The following GTF2A1L variants were observed in gnomAD, a reference collection of about 807,000 sequenced individuals.
GTF2A1L encodes general transcription factor IIA subunit 1 like.
A neutral mutation model predicts 49.7 loss-of-function variants in GTF2A1L; 48 were observed. The ratio of observed to expected loss-of-function variants is 0.97; its 90% CI spans 0.77 to 1.23. The LOEUF is 1.23. Among genes scored for constraint, GTF2A1L ranks in the 50% most tolerant of loss-of-function variants. The probability of loss-of-function intolerance (pLI) is 0.00; values close to 1 mark genes in which losing one functional copy is unlikely to be tolerated. For synonymous variants in GTF2A1L, 246 were observed against 193.5 expected (o/e 1.27, Z -2.25); for missense variants, 736 against 564.8 (o/e 1.30, Z -3.07).
At chr2:48,655,791 C>T (rs1358743954) in intron 6 of GTF2A1L, among the ~76,000 whole-genome samples, 3 of 152,054 alleles carry the variant, frequency 2.0e-5, no homozygotes, top group African/African-American at 7.2e-5. Context: ...CACCACCACC[C>T]ATCTCTAGAA....
intron 8 of GTF2A1L, among the ~76,000 whole-genome samples, chr2:48,678,997 A>T (rs543490585): frequency 6.6e-6 from 1 of 151,992 alleles, no homozygotes; most frequent in South Asian, 2.1e-4. Flanking sequence ...TACATAATTT[A>T]CTTATGTATT....
rs1323492181 is a variant in GTF2A1L at position 48,620,855 on chromosome 2, A to C, written c.26A>C (p.Lys9Thr). 2.0e-6 allele frequency: 3 copies of C among 1,498,852 alleles called. No individual in the cohort carries two copies. The highest frequency in any genetic ancestry group is 3.1e-5 in the South Asian group (2 of 65,398). The allele number at this position is 1,498,852 out of a possible 1,614,324, so 92.8% of individuals were successfully genotyped here. Reference sequence around the variant, plus strand: ...TTAACAATTGCTTTTATGTAGCCTAAACTCTACAGATCTGTAATTGAAGAT... The same window carrying C: ...TTAACAATTGCTTTTATGTAGCCTACACTCTACAGATCTGTAATTGAAGAT... MACLNPVP[K>T]LYRSVIEDVI... The change falls in exon 2 of 9, where the codon AAA (lysine) becomes ACA (threonine). Residue 9 changes from lysine (K) to threonine (T), a missense_variant. Transcript: ENST00000403751.
intron 7 of GTF2A1L, 51 bp downstream of exon 7, chr2:48,670,033 T>C: frequency 6.5e-7 from 1 of 1,550,288 alleles, no homozygotes; most frequent in Non-Finnish European, 8.7e-7. Context: ...ATAACATTTC[T>C]ACTTTATTAT....
At position 48,646,785 on chromosome 2, in the gene GTF2A1L, T is replaced by C. The variant is rs1677536686; in HGVS notation, c.721T>C (p.Tyr241His). ...GTTGTGTCATCAGGAAAGTTCTCACTATATCAGTCTTCCAGGTGTTGTATT... is the reference window on the plus strand; with the variant it reads ...GTTGTGTCATCAGGAAAGTTCTCACCATATCAGTCTTCCAGGTGTTGTATT... ...ALLCHQESSH[Y>H]ISLPGVVFSP... The change falls in exon 6 of 9, where the codon TAT becomes CAT. Residue 241 changes from tyrosine (Y) to histidine (H), a missense_variant. Transcript: ENST00000403751. 1.9e-6 allele frequency: 3 copies of C among 1,614,214 alleles called. No homozygotes were observed. The Admixed American group carries it at 5.0e-5, about 27-fold the overall frequency.
chr2:48,673,489 A>G lies in GTF2A1L; in HGVS notation c.1329+1809A>G, dbSNP rs1297917539. On this transcript the variant is annotated intron_variant, in intron 8 of 8. Coordinates refer to ENST00000403751, the MANE Select transcript of GTF2A1L (RefSeq NM_006872.5). ...AGGATCTTCCTGCCTCAGCCTCCCA[A>G]GTAGCTGGGACTACAGGCGCCTGCC... Among the ~76,000 whole-genome samples, 3 of 151,398 alleles carry G rather than the reference A, an allele frequency of 2.0e-5. No individual in the cohort carries two copies. In the East Asian group the frequency reaches 5.9e-4, roughly 30 times the overall value.
intron 6 of GTF2A1L, among the ~76,000 whole-genome samples, chr2:48,648,018 A>G (rs868668856): frequency 1.3e-5 from 2 of 152,210 alleles, no homozygotes; most frequent in South Asian, 4.1e-4. Context: ...CAACCTTAAT[A>G]TTTTATCTTC....
intron 6 of GTF2A1L, among the ~76,000 whole-genome samples, chr2:48,661,788 C>A (rs532706120): frequency 4.1e-4 from 63 of 152,188 alleles, no homozygotes; most frequent in African/African-American, 1.5e-3. Context: ...CCAACCTATT[C>A]ATATCCTGGA....
Position 48,621,224 on chromosome 2 carries a change from A to T in GTF2A1L, c.181A>T (p.Ile61Phe), listed in dbSNP as rs1675980191. 6.2e-7 allele frequency: 1 copy of T among 1,614,138 alleles called. No individual in the cohort carries two copies. The highest frequency in any genetic ancestry group is 8.5e-7 in the Non-Finnish European group (1 of 1,180,006). Residue 61 changes from isoleucine (I) to phenylalanine (F), a missense_variant, in exon 3 of 9, where the codon ATC becomes TTC. Transcript: ENST00000403751. ...KATEDFFRNS[I>F]QSPLFTLQLP... The stretch of plus-strand genomic sequence containing the variant: ...AACAGAAGACTTCTTCAGAAATAGC[A>T]TCCAATCACCTCTGTTTACTCTTCA...
intron 6 of GTF2A1L, among the ~76,000 whole-genome samples, chr2:48,647,796 T>G (rs1237152392): frequency 6.6e-6 from 1 of 152,128 alleles, no homozygotes; most frequent in Non-Finnish European, 1.5e-5. Flanking sequence ...TTCAAGGAAT[T>G]CATAGTAATG....
At chr2:48,634,219 C>T (rs1022088740) in intron 3 of GTF2A1L, among the ~76,000 whole-genome samples, 1 of 152,182 alleles carries the variant, frequency 6.6e-6, no homozygotes, top group Non-Finnish European at 1.5e-5. Context: ...TCAAGAGGTT[C>T]TCCTGCCTCA....
chr2:48,645,943 T>C (rs1023872065), intron 5 of GTF2A1L, among the ~76,000 whole-genome samples: 2 of 147,298 alleles, frequency 1.4e-5, no homozygotes, highest in Non-Finnish European at 3.0e-5. Flanking sequence ...CCACCGCGCC[T>C]GGCCTTTTTT....
chr2:48,636,885 T>C (rs1221451657), intron 3 of GTF2A1L, among the ~76,000 whole-genome samples: 2 of 152,166 alleles, frequency 1.3e-5, no homozygotes, highest in African/African-American at 2.4e-5. Context: ...AGTCAGCTTC[T>C]GTATTTGGTC....
At chr2:48,650,565 T>C (rs1218387878) in intron 6 of GTF2A1L, among the ~76,000 whole-genome samples, 2 of 152,206 alleles carry the variant, frequency 1.3e-5, no homozygotes, top group African/African-American at 4.8e-5. Flanking sequence ...CTATCAATAA[T>C]TGACTTTAGA....
At chr2:48,641,721 C>A (rs1174691113) in intron 3 of GTF2A1L, among the ~76,000 whole-genome samples, 1 of 151,998 alleles carries the variant, frequency 6.6e-6, no homozygotes, top group Non-Finnish European at 1.5e-5. Context: ...ACTAGCTGGT[C>A]AATCTTTGAG....
chr2:48,646,528 T>C lies in GTF2A1L; in HGVS notation c.464T>C (p.Ile155Thr), dbSNP rs1028749355. The change falls in exon 6 of 9, where the codon ATT becomes ACT. Residue 155 changes from isoleucine to threonine, a missense_variant. Ile to Thr is a moderately conservative substitution (Grantham distance 89). Coordinates refer to ENST00000403751, the MANE Select transcript of GTF2A1L (RefSeq NM_006872.5). Reference protein sequence around the residue: ...SGRAGILQHPIQQVFQQLGQP... With the variant: ...SGRAGILQHPTQQVFQQLGQP... ...AGAGCAGGTATTCTTCAGCATCCAATTCAGCAAGTATTTCAACAGCTTGGC... is the reference window on the plus strand; with the variant it reads ...AGAGCAGGTATTCTTCAGCATCCAACTCAGCAAGTATTTCAACAGCTTGGC... The C allele has an allele frequency of 1.9e-6, 3 of 1,614,192 alleles. No individual in the cohort carries two copies. The highest frequency in any genetic ancestry group is 2.5e-6 in the Non-Finnish European group (3 of 1,180,034).
At chr2:48,665,073 C>T (rs1038835024) in intron 6 of GTF2A1L, among the ~76,000 whole-genome samples, 3 of 152,096 alleles carry the variant, frequency 2.0e-5, no homozygotes, top group African/African-American at 7.2e-5. Flanking sequence ...AGGTGTGTGC[C>T]ACCACACCTG....
chr2:48,654,935 A>G (rs990597127), intron 6 of GTF2A1L, among the ~76,000 whole-genome samples: 1 of 152,152 alleles, frequency 6.6e-6, no homozygotes, highest in African/African-American at 2.4e-5. Context: ...GAGAGTGTGA[A>G]TCTCTCAAAT....
chr2:48,653,220 CAAAAA>C (rs568400398), intron 6 of GTF2A1L, among the ~76,000 whole-genome samples: 1 of 88,146 alleles, frequency 1.1e-5, no homozygotes, highest in Non-Finnish European at 2.2e-5. Flanking sequence ...GACTCTGTCT[CAAAAA>C]AAAAAAAAAA....
chr2:48,655,136 T>A (rs909562804), intron 6 of GTF2A1L, among the ~76,000 whole-genome samples: 1 of 152,046 alleles, frequency 6.6e-6, no homozygotes, highest in African/African-American at 2.4e-5. Flanking sequence ...GACATAAGTT[T>A]TTTTTTTAAT....
Sources: allele counts gnomAD v4.1 joint callset (sites outside exome capture counted in the v4.1 genomes callset), GRCh38; gene constraint gnomAD v4.1.1; transcripts MANE v1.5; gene names NCBI Gene and HGNC (gene_info 2026-07-23, HGNC 2026-07-21).